RBFOX1: variants seen among roughly 807,000 people sequenced by gnomAD.
RBFOX1 encodes RNA binding fox-1 homolog 1.
RBFOX1 carries 8 observed loss-of-function variants against 57.7 expected under a neutral mutation model. The ratio of observed to expected loss-of-function variants is 0.14; its 90% CI spans 0.08 to 0.25. RBFOX1 has a LOEUF of 0.25. RBFOX1 is among the 10% of genes least tolerant of loss of function. RBFOX1 has a pLI of 1.00. For missense variants in RBFOX1, 611 were observed against 548.5 expected, an observed-to-expected ratio of 1.11 and a Z score of -1.14; for synonymous variants, 326 against 222.4, an observed-to-expected ratio of 1.47 and a Z score of -4.15.
intron 3 of RBFOX1, among the ~76,000 whole-genome samples, chr16:5,856,575 G>GTGTGTATA (rs1192496608): frequency 1.2e-4 from 4 of 32,926 alleles, no homozygotes; most frequent in African/African-American, 5.0e-4. Flanking sequence ...GTGTGTGTGT[G>GTGTGTATA]TATATATATA....
chr16:6,808,269 G>A (rs1482796997), intron 3 of RBFOX1, among the ~76,000 whole-genome samples: 2 of 150,858 alleles, frequency 1.3e-5, no homozygotes, highest in Admixed American at 6.7e-5. Context: ...CATCACTTTG[G>A]AATTACCTCT....
chr16:5,820,952 C>T (rs1246953852), intron 3 of RBFOX1, among the ~76,000 whole-genome samples: 3 of 152,152 alleles, frequency 2.0e-5, no homozygotes, highest in African/African-American at 4.8e-5. Flanking sequence ...CATCACAGTG[C>T]CCTCCCTGTG....
At chr16:7,207,935 C>G (rs1306649595) in intron 4 of RBFOX1, among the ~76,000 whole-genome samples, 2 of 152,172 alleles carry the variant, frequency 1.3e-5, no homozygotes, top group African/African-American at 2.4e-5. Flanking sequence ...TCCTCTCAAT[C>G]TTAGTCCTGG....
chr16:7,078,162 C>G (rs980209458), intron 4 of RBFOX1, among the ~76,000 whole-genome samples: 10 of 152,110 alleles, frequency 6.6e-5, no homozygotes, highest in African/African-American at 2.4e-4. Flanking sequence ...CTCTGGATTT[C>G]AAAAGTCATC....
intron 2 of RBFOX1, among the ~76,000 whole-genome samples, chr16:6,417,952 C>A (rs1265015761): frequency 6.6e-6 from 1 of 150,880 alleles, no homozygotes; most frequent in Non-Finnish European, 1.5e-5. Flanking sequence ...AACATCTAAT[C>A]CTTGGGGAGT....
Position 6,872,392 on chromosome 16 carries a change from A to G in RBFOX1, c.-15-179665A>G, listed in dbSNP as rs560736300. ...TAGTAATAATAGCTTTACTATGACC[A>G]TAGCTCTTTTTTTAATCGATCACCT... On this transcript the variant is annotated intron_variant, in intron 3 of 15. Transcript: ENST00000550418. Among the ~76,000 whole-genome samples the G allele has an allele frequency of 9.2e-5, 14 of 152,010 alleles. No homozygotes were observed. The East Asian group carries it at 2.3e-3, about 25-fold the overall frequency.
chr16:7,533,410 A>AT (rs201195593), intron 5 of RBFOX1, among the ~76,000 whole-genome samples: 38 of 151,472 alleles, frequency 2.5e-4, no homozygotes, highest in Admixed American at 1.1e-3. Context: ...ACAGCCCTGC[A>AT]TTTTTTAAAA....
chr16:6,213,308 C>T (rs190415958), intron 1 of RBFOX1, among the ~76,000 whole-genome samples: 19 of 152,120 alleles, frequency 1.2e-4, no homozygotes, highest in Non-Finnish European at 2.6e-4. Context: ...GAGGTATCAG[C>T]TCAGCTGATC....
At chr16:6,631,064 T>C (rs1250077673) in intron 2 of RBFOX1, among the ~76,000 whole-genome samples, 1 of 151,762 alleles carries the variant, frequency 6.6e-6, no homozygotes, top group African/African-American at 2.4e-5. Context: ...TGAATGAAAG[T>C]AGAGAGAGAG....
chr16:7,000,854 G>C (rs900145682), intron 3 of RBFOX1, among the ~76,000 whole-genome samples: 1 of 151,822 alleles, frequency 6.6e-6, no homozygotes, highest in African/African-American at 2.4e-5. Context: ...CGCCCGCCTC[G>C]GCCTCCCAAA....
intron 3 of RBFOX1, among the ~76,000 whole-genome samples, chr16:6,965,389 C>T (rs927171681): frequency 2.0e-5 from 3 of 151,288 alleles, no homozygotes; most frequent in Admixed American, 6.6e-5. Context: ...GTTTCCCAGG[C>T]TGTAGTGCAG....
At chr16:7,197,856 G>T (rs745994661) in intron 4 of RBFOX1, among the ~76,000 whole-genome samples, 4 of 152,120 alleles carry the variant, frequency 2.6e-5, no homozygotes, top group Non-Finnish European at 5.9e-5. Context: ...GAAATATCCA[G>T]AATAGGAAAA....
chr16:6,625,342 C>A (rs2098290040), intron 2 of RBFOX1, among the ~76,000 whole-genome samples: 1 of 151,514 alleles, frequency 6.6e-6, no homozygotes, highest in African/African-American at 2.4e-5. Context: ...TTTCTTCATT[C>A]CTGTAACTCT....
chr16:6,249,196 G>C (rs528597747), intron 1 of RBFOX1, among the ~76,000 whole-genome samples: 1 of 152,046 alleles, frequency 6.6e-6, no homozygotes, highest in East Asian at 1.9e-4. Flanking sequence ...ACCAGCTATG[G>C]GACCAACACA....
chr16:7,498,671 AG>A (rs1016085500), intron 4 of RBFOX1, among the ~76,000 whole-genome samples: 39 of 152,186 alleles, frequency 2.6e-4, no homozygotes, highest in Middle Eastern at 3.2e-3. Context: ...TCTGGCGTGC[AG>A]TTGCCATGTA....
chr16:6,635,975 C>T (rs1482752051), intron 2 of RBFOX1, among the ~76,000 whole-genome samples: 1 of 152,106 alleles, frequency 6.6e-6, no homozygotes, highest in Non-Finnish European at 1.5e-5. Flanking sequence ...ACCGTCATTG[C>T]CTTATGCTTT....
At chr16:6,581,215 C>T (rs1041285750) in intron 2 of RBFOX1, among the ~76,000 whole-genome samples, 2 of 152,140 alleles carry the variant, frequency 1.3e-5, no homozygotes, top group Admixed American at 6.6e-5. Flanking sequence ...TTTCTAAAGA[C>T]CCAGGGAAGC....
chr16:7,330,192 C>G (rs2096665946), intron 4 of RBFOX1, among the ~76,000 whole-genome samples: 1 of 152,072 alleles, frequency 6.6e-6, no homozygotes, highest in Non-Finnish European at 1.5e-5. Context: ...TCTGCAGATG[C>G]TCAGTCCCTG....
chr16:7,113,712 T>A (rs1355858405), intron 4 of RBFOX1, among the ~76,000 whole-genome samples: 1 of 152,194 alleles, frequency 6.6e-6, no homozygotes, highest in African/African-American at 2.4e-5. Flanking sequence ...ATCTATTTTG[T>A]TCTTTGCAAG....
Sources: gnomAD v4.1 joint callset for allele counts (sites outside exome capture counted in the v4.1 genomes callset) on GRCh38, gnomAD v4.1.1 for gene constraint, MANE v1.5 for transcripts, NCBI Gene and HGNC (gene_info 2026-07-23, HGNC 2026-07-21) for gene names.